The following GALNT1 variants were observed in gnomAD, a reference collection of about 807,000 sequenced individuals.
GALNT1 encodes the protein polypeptide N-acetylgalactosaminyltransferase 1.
A neutral mutation model predicts 65.7 loss-of-function variants in GALNT1; 17 were observed. That is an observed-to-expected ratio of 0.26 (90% CI 0.18 to 0.39). GALNT1 has a LOEUF of 0.39. Ranked by LOEUF, GALNT1 falls within the 10% of genes least tolerant of loss-of-function variation. The probability of loss-of-function intolerance (pLI) is 1.00; values close to 1 mark genes in which losing one functional copy is unlikely to be tolerated. For missense variants in GALNT1, 460 were observed against 672.8 expected (o/e 0.68, Z 3.50); for synonymous variants, 210 against 219.7 (o/e 0.96, Z 0.39).
intron 2 of GALNT1, 89 bp from the exon 3 acceptor site, chr18:35,663,539 A>G: frequency 1.5e-6 from 2 of 1,350,992 alleles, no homozygotes; most frequent in Non-Finnish European, 2.0e-6. Flanking sequence ...TGTTGAGGGC[A>G]CAGTTCAAAC....
intron 1 of GALNT1, among the ~76,000 whole-genome samples, chr18:35,647,154 A>G (rs900724904): frequency 6.6e-6 from 1 of 152,170 alleles, no homozygotes; most frequent in Admixed American, 6.5e-5. Flanking sequence ...AGCCTTTACT[A>G]TTCACTGCCT....
chr18:35,608,921 C>A (rs11663932), intron 1 of GALNT1, among the ~76,000 whole-genome samples: 3,072 of 152,296 alleles, frequency 0.02, 53 homozygotes, highest in Non-Finnish European at 0.028. Flanking sequence ...TTCTTTCTTA[C>A]AAGAGTTTTC....
At chr18:35,667,614 G>A (rs1180554024) in intron 3 of GALNT1, among the ~76,000 whole-genome samples, 3 of 152,120 alleles carry the variant, frequency 2.0e-5, no homozygotes, top group African/African-American at 7.2e-5. Context: ...CAAAATTGCA[G>A]CTGGTGGATA....
At chr18:35,601,925 G>A (rs753650024) in intron 1 of GALNT1, among the ~76,000 whole-genome samples, 13 of 152,184 alleles carry the variant, frequency 8.5e-5, no homozygotes, top group Admixed American at 2.0e-4. Context: ...TGCAATTACA[G>A]TATTGAGTAT....
intron 1 of GALNT1, among the ~76,000 whole-genome samples, chr18:35,583,458 T>C (rs12960690): frequency 0.095 from 14,452 of 152,260 alleles, 762 homozygotes; most frequent in Admixed American, 0.17. Flanking sequence ...ACTTGTTAAA[T>C]GCCTGGCTTT....
At chr18:35,628,510 A>C (rs922622588) in intron 1 of GALNT1, among the ~76,000 whole-genome samples, 1 of 152,360 alleles carries the variant, frequency 6.6e-6, no homozygotes, top group East Asian at 1.9e-4. Context: ...GAGGGTCCTG[A>C]CTGTTAGAAG....
At position 35,692,167 on chromosome 18, in the gene GALNT1, A is replaced by C. The variant is rs1568034004; in HGVS notation, c.1160-14A>C. On this transcript the variant is annotated splice_polypyrimidine_tract_variant and intron_variant, in intron 8 of 11. Coordinates refer to ENST00000269195, the MANE Select transcript of GALNT1 (RefSeq NM_020474.4). Reference sequence around the variant, plus strand: ...CAACACTAATAATTCAGAGTCAATTATTTCTTTCAACAGGTGTTACAAAGG... The same window carrying C: ...CAACACTAATAATTCAGAGTCAATTCTTTCTTTCAACAGGTGTTACAAAGG... The C allele has an allele frequency of 6.3e-7, 1 of 1,599,220 alleles. No individual in the cohort carries two copies.
intron 9 of GALNT1, among the ~76,000 whole-genome samples, chr18:35,702,225 C>A (rs57302199): frequency 0.013 from 1,956 of 152,284 alleles, 45 homozygotes; most frequent in African/African-American, 0.045. Flanking sequence ...CATGACATGA[C>A]AGATGTAGTT....
intron 1 of GALNT1, among the ~76,000 whole-genome samples, chr18:35,647,949 T>A (rs57919520): frequency 0.1 from 15,376 of 151,472 alleles, 982 homozygotes; most frequent in African/African-American, 0.19. Context: ...TGGGAGGCCG[T>A]GGTGGGTGGA....
intron 1 of GALNT1, among the ~76,000 whole-genome samples, chr18:35,633,463 A>G (rs577336777): frequency 1.4e-5 from 2 of 146,018 alleles, no homozygotes; most frequent in East Asian, 2.2e-4. Flanking sequence ...CAAACACCCC[A>G]TGTTCTCACT....
intron 1 of GALNT1, among the ~76,000 whole-genome samples, chr18:35,612,819 C>T (rs1383892974): frequency 6.6e-6 from 1 of 151,712 alleles, no homozygotes; most frequent in Non-Finnish European, 1.5e-5. Context: ...GAGCTAATAT[C>T]GCACCATTGC....
chr18:35,602,867 T>C lies in GALNT1; in HGVS notation c.-104+21005T>C, dbSNP rs899183240. ...TAGGGTTGGTCTCTGGCTTCTCACT[T>C]TGTCCTTCTGGGGAAGCCATAATTC... On this transcript the variant is annotated intron_variant, in intron 1 of 11. Coordinates refer to ENST00000269195, the MANE Select transcript of GALNT1 (RefSeq NM_020474.4). Among the ~76,000 whole-genome samples, 4 of 152,296 alleles carry C rather than the reference T, an allele frequency of 2.6e-5. No homozygotes were observed. The East Asian group carries it at 5.8e-4, about 22-fold the overall frequency.
At chr18:35,635,513 AG>A (rs936085967) in intron 1 of GALNT1, among the ~76,000 whole-genome samples, 10 of 152,250 alleles carry the variant, frequency 6.6e-5, no homozygotes, top group Non-Finnish European at 1.2e-4. Flanking sequence ...GAGTTTGGCT[AG>A]GGTCATTGCC....
chr18:35,629,754 A>C (rs1054410346), intron 1 of GALNT1, among the ~76,000 whole-genome samples: 1 of 152,112 alleles, frequency 6.6e-6, no homozygotes, highest in Non-Finnish European at 1.5e-5. Flanking sequence ...ATTAAAAGAC[A>C]CAGACTGGCA....
At chr18:35,703,449 G>T in intron 10 of GALNT1, 60 bp from the exon 11 acceptor site, 3 of 1,465,622 alleles carry the variant, frequency 2.0e-6, no homozygotes, top group Non-Finnish European at 2.8e-6. Context: ...AGCTAATTGG[G>T]CATTTAAAAT....
At chr18:35,627,699 T>C (rs2144160960) in intron 1 of GALNT1, among the ~76,000 whole-genome samples, 1 of 152,244 alleles carries the variant, frequency 6.6e-6, no homozygotes, top group East Asian at 1.9e-4. Context: ...ACCGGGTTCA[T>C]ATCACTGGGG....
chr18:35,704,605 G>A (rs2048223480), intron 11 of GALNT1, among the ~76,000 whole-genome samples: 2 of 151,242 alleles, frequency 1.3e-5, no homozygotes, highest in Non-Finnish European at 3.0e-5. Context: ...ATCATATCTG[G>A]CCTGATATTT....
chr18:35,616,230 A>G (rs551430047), intron 1 of GALNT1, among the ~76,000 whole-genome samples: 3 of 152,184 alleles, frequency 2.0e-5, no homozygotes, highest in Non-Finnish European at 4.4e-5. Flanking sequence ...GGGTTTCATC[A>G]TAGTTGCTGG....
chr18:35,637,192 C>G (rs2144258797), intron 1 of GALNT1, among the ~76,000 whole-genome samples: 1 of 152,236 alleles, frequency 6.6e-6, no homozygotes, highest in South Asian at 2.1e-4. Context: ...ATTAATAACC[C>G]TACAGTGGCC....
Sources: gnomAD v4.1 joint callset for allele counts (sites outside exome capture counted in the v4.1 genomes callset) on GRCh38, gnomAD v4.1.1 for gene constraint, MANE v1.5 for transcripts, NCBI Gene and HGNC (gene_info 2026-07-23, HGNC 2026-07-21) for gene names.